Variants in GALK2 observed in about 807,000 individuals in gnomAD.
The protein encoded by GALK2 is galactokinase 2.
Under a neutral mutation model 52.4 loss-of-function variants are expected in GALK2, and 36 were observed. The ratio of observed to expected loss-of-function variants is 0.69; its 90% CI spans 0.53 to 0.91. The LOEUF (loss-of-function observed/expected upper bound fraction) is 0.91, where lower values mean the gene tolerates loss of function less well. Ranked by LOEUF, GALK2 falls within the 40% of genes least tolerant of loss-of-function variation. The probability of loss-of-function intolerance (pLI) is 0.00; values close to 1 mark genes in which losing one functional copy is unlikely to be tolerated. For missense variants in GALK2, 579 were observed against 559.1 expected, an observed-to-expected ratio of 1.04 and a Z score of -0.36; for synonymous variants, 176 against 199.1, an observed-to-expected ratio of 0.88 and a Z score of 0.98.
In GALK2 at chr15:49,329,230, T is replaced by G; in HGVS notation, c.*1071T>G. On this transcript the variant is annotated 3_prime_UTR_variant, in exon 10 of 10. Coordinates refer to ENST00000560031, the MANE Select transcript of GALK2 (RefSeq NM_002044.4). ...GGATTTGTAATGGTATTGATGGGTA[T>G]CTCTGTATGTATATCAAGAGTGGGC... 3.0e-6 allele frequency: 3 copies of G among 985,974 alleles called. No homozygotes were observed. Among genetic ancestry groups the G allele is most frequent in the Non-Finnish European group, 3.6e-6 (3 of 830,322 alleles). The allele number at this position is 985,974 out of a possible 1,614,324, so 61.1% of individuals were successfully genotyped here.
intron 5 of GALK2, among the ~76,000 whole-genome samples, chr15:49,244,848 CA>C (rs200000331): frequency 6.0e-5 from 9 of 149,330 alleles, no homozygotes; most frequent in East Asian, 3.9e-4. Context: ...ATCAGTAAAA[CA>C]AAAAAAAAGC....
At chr15:49,270,763 T>A (rs1461174820) in intron 5 of GALK2, among the ~76,000 whole-genome samples, 6 of 152,356 alleles carry the variant, frequency 3.9e-5, no homozygotes, top group Admixed American at 2.6e-4. Context: ...TCTTTCTCTT[T>A]CGTTTGCATC....
intron 1 of GALK2, among the ~76,000 whole-genome samples, chr15:49,194,439 C>G (rs2087029017): frequency 6.6e-6 from 1 of 152,194 alleles, no homozygotes; most frequent in South Asian, 2.1e-4. Context: ...GTCTGCTAGT[C>G]TATTTATGCA....
intron 8 of GALK2, among the ~76,000 whole-genome samples, chr15:49,300,918 T>C (rs1287022780): frequency 6.6e-6 from 1 of 152,204 alleles, no homozygotes; most frequent in Non-Finnish European, 1.5e-5. Context: ...GTTGGTGGGC[T>C]ATGTACTTAA....
chr15:49,183,099 T>C (rs34854443), intron 1 of GALK2, among the ~76,000 whole-genome samples: 102,367 of 151,928 alleles, frequency 0.67, 35,174 homozygotes, highest in African/African-American at 0.77. Flanking sequence ...TGTTTTTTGT[T>C]TATCTTTTCA....
intron 2 of GALK2, among the ~76,000 whole-genome samples, chr15:49,214,121 A>AAAAC (rs2089174170): frequency 6.6e-6 from 1 of 152,134 alleles, no homozygotes; most frequent in Non-Finnish European, 1.5e-5. Flanking sequence ...GTCTGTCTCA[A>AAAAC]AAACAAACAA....
At chr15:49,267,164 C>T (rs1327849060) in intron 5 of GALK2, among the ~76,000 whole-genome samples, 1 of 152,164 alleles carries the variant, frequency 6.6e-6, no homozygotes, top group African/African-American at 2.4e-5. Context: ...GGGCTCAACT[C>T]TGAATACAGC....
In GALK2 at chr15:49,328,409, CT is replaced by C. The variant is rs1167840970; in HGVS notation, c.*251del. The C allele has an allele frequency of 3.4e-5, 48 of 1,431,090 alleles. No individual in the cohort carries two copies. The highest frequency in any genetic ancestry group is 3.7e-5 in the Non-Finnish European group (41 of 1,095,216). 88.6% of individuals were successfully genotyped at this position (1,431,090 alleles called of 1,614,324 possible). On this transcript the variant is annotated 3_prime_UTR_variant, in exon 10 of 10. Coordinates refer to ENST00000560031, the MANE Select transcript of GALK2 (RefSeq NM_002044.4). ...GGACAGATCTTTTAAGAATAACTTACTGAGATTTATTGATTTGAAGATTTTA... is the reference window on the plus strand; with the variant it reads ...GGACAGATCTTTTAAGAATAACTTACGAGATTTATTGATTTGAAGATTTTA...
downstream of GALK2, among the ~76,000 whole-genome samples, chr15:49,335,902 G>A (rs2039627288): frequency 6.6e-6 from 1 of 151,988 alleles, no homozygotes; most frequent in Admixed American, 6.6e-5. Flanking sequence ...ACCCAGGCTG[G>A]AGTGTGGTAA....
At position 49,292,322 on chromosome 15, in the gene GALK2, T is replaced by C. The variant is rs1336928611; in HGVS notation, c.757-5T>C. The C allele has an allele frequency of 6.2e-7, 1 of 1,612,926 alleles. No homozygotes were observed. Among genetic ancestry groups the C allele is most frequent in the Non-Finnish European group, 8.5e-7 (1 of 1,179,398 alleles). ...ACTGACCATTATCTTGATTTGAATT[T>C]GCAGCTCCTGGCTAAATACAAAAGC... is the stretch of plus-strand genomic sequence containing the variant. On this transcript the variant is annotated splice_region_variant and splice_polypyrimidine_tract_variant and intron_variant, in intron 7 of 9. Transcript: ENST00000560031.
chr15:49,292,022 A>G (rs568257246), intron 7 of GALK2, among the ~76,000 whole-genome samples: 2 of 152,232 alleles, frequency 1.3e-5, no homozygotes, highest in South Asian at 4.1e-4. Context: ...TCAAAGAAAC[A>G]GCCCTGAGGG....
At chr15:49,242,022 G>GTT (rs947571648) in intron 5 of GALK2, among the ~76,000 whole-genome samples, 2 of 147,508 alleles carry the variant, frequency 1.4e-5, no homozygotes, top group South Asian at 2.1e-4. Context: ...TATTTGGAGA[G>GTT]TTTTTTTTTT....
intron 1 of GALK2, among the ~76,000 whole-genome samples, chr15:49,162,971 G>A (rs558343297): frequency 2.6e-5 from 4 of 152,278 alleles, no homozygotes; most frequent in South Asian, 2.1e-4. Context: ...ATATTGTTAC[G>A]CAGAATAGAT....
intron 5 of GALK2, among the ~76,000 whole-genome samples, chr15:49,266,032 C>A (rs529456214): frequency 1.1e-3 from 161 of 152,314 alleles, no homozygotes; most frequent in African/African-American, 3.8e-3. Flanking sequence ...GACAGTAATT[C>A]TGTCTATTTT....
intron 4 of GALK2, among the ~76,000 whole-genome samples, chr15:49,237,198 C>T (rs1292876140): frequency 6.6e-6 from 1 of 152,092 alleles, no homozygotes; most frequent in Non-Finnish European, 1.5e-5. Context: ...GTTTTAAAGC[C>T]TTCCTGTTTG....
chr15:49,283,993 T>C (rs1391646554), intron 7 of GALK2, among the ~76,000 whole-genome samples: 2 of 152,144 alleles, frequency 1.3e-5, no homozygotes, highest in South Asian at 2.1e-4. Context: ...AGAAAGATAG[T>C]TGGGGACAAT....
chr15:49,198,563 T>C (rs2141292416), intron 1 of GALK2, among the ~76,000 whole-genome samples: 1 of 152,348 alleles, frequency 6.6e-6, no homozygotes, highest in Non-Finnish European at 1.5e-5. Context: ...TTTGTTTGTT[T>C]GTTTAATAAT....
chr15:49,301,251 A>G (rs531449321), intron 8 of GALK2, among the ~76,000 whole-genome samples: 1 of 152,170 alleles, frequency 6.6e-6, no homozygotes, highest in African/African-American at 2.4e-5. Flanking sequence ...CCAAATTTCT[A>G]ATAATTAGAT....
chr15:49,190,161 G>T (rs75669063), intron 1 of GALK2, among the ~76,000 whole-genome samples: 131 of 152,272 alleles, frequency 8.6e-4, no homozygotes, highest in Non-Finnish European at 1.5e-3. Context: ...AGGAAAACTA[G>T]AAGTTTTCTA....
Sources: gnomAD v4.1 joint callset for allele counts (sites outside exome capture counted in the v4.1 genomes callset) on GRCh38, gnomAD v4.1.1 for gene constraint, MANE v1.5 for transcripts, NCBI Gene and HGNC (gene_info 2026-07-23, HGNC 2026-07-21) for gene names.